Variants in CFAP20DC observed in about 807,000 individuals in gnomAD.
CFAP20DC encodes the protein protein CFAP20DC.
CFAP20DC carries 84 observed loss-of-function variants against 101.7 expected under a neutral mutation model. The observed-to-expected ratio is 0.83, with a 90% confidence interval of 0.69 to 0.99. CFAP20DC has a LOEUF of 0.99. Ranked by LOEUF, CFAP20DC falls within the 50% of genes least tolerant of loss-of-function variation. The pLI, the probability that CFAP20DC is intolerant of heterozygous loss-of-function variation, is 0.00. For missense variants in CFAP20DC, 1,007 were observed against 970.3 expected (o/e 1.04, Z -0.50); for synonymous variants, 359 against 351.2 (o/e 1.02, Z -0.25).
chr3:58,862,992 C>A (rs1484937982), intron 12 of CFAP20DC: 1 of 978,450 alleles, frequency 1.0e-6, no homozygotes, highest in African/African-American at 1.8e-5. Context: ...TATCCATATT[C>A]TAAATAATTG....
chr3:58,913,520 T>C lies in CFAP20DC; in HGVS notation c.550+188A>G. The stretch of plus-strand genomic sequence containing the variant: ...ACAAAAAGAAGATTAATACCTTTTT[T>C]GTGACATTCAGCTATAGTAAAAATA... On this transcript the variant is annotated intron_variant, in intron 6 of 16. Transcript: ENST00000482387. The surrounding 1 kb of genome is among the most constrained non-coding windows in gnomAD (Gnocchi z 4.4). The C allele has an allele frequency of 1.6e-6, 1 of 626,792 alleles. No homozygotes were observed. Among genetic ancestry groups the C allele is most frequent in the Non-Finnish European group, 2.8e-6 (1 of 359,030 alleles). 38.8% of individuals were successfully genotyped at this position (626,792 alleles called of 1,614,324 possible). A position where few individuals can be genotyped will look rare whatever the true frequency, so the allele number is the denominator to read the frequency against.
chr3:58,933,978 C>T (rs1212253266), intron 5 of CFAP20DC, among the ~76,000 whole-genome samples: 1 of 152,006 alleles, frequency 6.6e-6, no homozygotes, highest in Non-Finnish European at 1.5e-5. Context: ...TTAATGAATC[C>T]AGGAGCTGGT....
intron 14 of CFAP20DC, among the ~76,000 whole-genome samples, chr3:58,811,298 C>T (rs560100936): frequency 6.6e-6 from 1 of 152,112 alleles, no homozygotes; most frequent in Non-Finnish European, 1.5e-5. Flanking sequence ...TACCTGACTG[C>T]AAAGTATACT....
chr3:58,812,292 C>T (rs1390130452), intron 14 of CFAP20DC, among the ~76,000 whole-genome samples: 2 of 152,182 alleles, frequency 1.3e-5, no homozygotes, highest in Non-Finnish European at 2.9e-5. Flanking sequence ...ATAGCAAAGA[C>T]TTGGAACCAA....
intron 4 of CFAP20DC, among the ~76,000 whole-genome samples, chr3:58,982,038 G>T (rs1440956746): frequency 1.3e-5 from 2 of 152,148 alleles, no homozygotes; most frequent in African/African-American, 4.8e-5. Context: ...CCATCAAAAA[G>T]TGGGTGAAGG....
chr3:58,812,993 A>G (rs1392057103), intron 14 of CFAP20DC, among the ~76,000 whole-genome samples: 1 of 151,932 alleles, frequency 6.6e-6, no homozygotes, highest in African/African-American at 2.4e-5. Flanking sequence ...ATCATTAATA[A>G]CAGAAACCCA....
At chr3:58,806,569 G>A in intron 14 of CFAP20DC, 113 bp from the exon 15 acceptor site, 2 of 797,318 alleles carry the variant, frequency 2.5e-6, no homozygotes, top group Non-Finnish European at 4.4e-6. Flanking sequence ...CCACAAGAAG[G>A]GTATGGGTGG....
At chr3:58,978,762 A>G (rs1012676278) in intron 4 of CFAP20DC, among the ~76,000 whole-genome samples, 1 of 152,064 alleles carries the variant, frequency 6.6e-6, no homozygotes, top group Non-Finnish European at 1.5e-5. Context: ...AAAACAAAGA[A>G]ATATGAGGGA....
chr3:59,000,657 G>C (rs1437456476), intron 4 of CFAP20DC, among the ~76,000 whole-genome samples: 6 of 152,032 alleles, frequency 3.9e-5, no homozygotes, highest in African/African-American at 1.2e-4. Flanking sequence ...AGATTTGAGA[G>C]GTTGAAAATT....
intron 4 of CFAP20DC, among the ~76,000 whole-genome samples, chr3:58,983,230 G>C (rs1393550536): frequency 6.6e-6 from 1 of 152,132 alleles, no homozygotes; most frequent in Non-Finnish European, 1.5e-5. Context: ...ATGGCAACTG[G>C]GTGGGTTTTA....
In CFAP20DC at chr3:59,015,322, G is replaced by C. The variant is rs549315478; in HGVS notation, c.278+24235C>G. Among the ~76,000 whole-genome samples the C allele has an allele frequency of 6.6e-6, 1 of 152,058 alleles. No homozygotes were observed. Among genetic ancestry groups the C allele is most frequent in the African/African-American group, 2.4e-5 (1 of 41,490 alleles). ...GTGAGAGAAGGAAGAGAAGCAGCTG[G>C]AGAGTGATAAGAAATGAGAAGGAAA... On this transcript the variant is annotated intron_variant, in intron 4 of 16. Coordinates refer to ENST00000482387, the MANE Select transcript of CFAP20DC (RefSeq NM_001394063.1). This position sits in a 1 kb window ranked among gnomAD's most constrained non-coding sequence, Gnocchi z 5.4.
intron 3 of CFAP20DC, among the ~76,000 whole-genome samples, chr3:58,735,655 A>G (rs2067736026): frequency 6.6e-6 from 1 of 152,224 alleles, no homozygotes; most frequent in Non-Finnish European, 1.5e-5. Flanking sequence ...CTCAGGCCAG[A>G]GGAGGTAGGA....
chr3:58,837,608 C>A (rs2076826503), intron 13 of CFAP20DC, among the ~76,000 whole-genome samples: 1 of 152,136 alleles, frequency 6.6e-6, no homozygotes, highest in South Asian at 2.1e-4. Context: ...TGATCAACAA[C>A]AAAGTCTAAG....
Position 58,728,505 on chromosome 3 carries a change from G to T in CFAP20DC, c.198-10877C>A, listed in dbSNP as rs554188961. 4.6e-5 allele frequency among the ~76,000 whole-genome samples: 7 copies of T among 152,192 alleles called. No individual in the cohort carries two copies. The highest frequency in any genetic ancestry group is 9.7e-5 in the African/African-American group (4 of 41,448). On this transcript the variant is annotated intron_variant, in intron 3 of 3. Coordinates refer to the CFAP20DC transcript ENST00000486145. The surrounding 1 kb of genome is among the most constrained non-coding windows in gnomAD (Gnocchi z 4.7). ...AGATATTCTTTCAGATATTATTTGGGTTAATGAGGAAATTGGACATGGCCT... is the reference window on the plus strand; with the variant it reads ...AGATATTCTTTCAGATATTATTTGGTTTAATGAGGAAATTGGACATGGCCT...
At chr3:58,791,360 T>C (rs2072837458) in intron 15 of CFAP20DC, among the ~76,000 whole-genome samples, 1 of 152,132 alleles carries the variant, frequency 6.6e-6, no homozygotes, top group Non-Finnish European at 1.5e-5. Flanking sequence ...GGTAGTAAAA[T>C]ACAATTCCTA....
intron 7 of CFAP20DC, among the ~76,000 whole-genome samples, chr3:58,877,759 T>C (rs1273230542): frequency 2.0e-5 from 3 of 152,232 alleles, no homozygotes; most frequent in Non-Finnish European, 4.4e-5. Flanking sequence ...GCTACTTAAC[T>C]AAAAATTTTT....
intron 6 of CFAP20DC, among the ~76,000 whole-genome samples, chr3:58,909,314 T>C (rs1007130389): frequency 6.6e-6 from 1 of 152,126 alleles, no homozygotes; most frequent in Non-Finnish European, 1.5e-5. Flanking sequence ...CTAAAACTGC[T>C]AAAAAAATAA....
chr3:58,722,448 G>A lies in CFAP20DC; in HGVS notation c.198-4820C>T, dbSNP rs2067486324. Among the ~76,000 whole-genome samples the A allele has an allele frequency of 6.6e-6, 1 of 152,170 alleles. No individual in the cohort carries two copies. Among genetic ancestry groups the A allele is most frequent in the African/African-American group, 2.4e-5 (1 of 41,430 alleles). The stretch of plus-strand genomic sequence containing the variant: ...AGGCAATTTTGCCCAGAGCAGCAGG[G>A]TGGCAACTGAGTCGGTTACAATCAT... On this transcript the variant is annotated intron_variant, in intron 3 of 3. Coordinates refer to the CFAP20DC transcript ENST00000486145. The surrounding 1 kb of genome is among the most constrained non-coding windows in gnomAD (Gnocchi z 4.5).
chr3:58,945,343 G>A (rs1483617856), intron 4 of CFAP20DC, among the ~76,000 whole-genome samples: 1 of 152,026 alleles, frequency 6.6e-6, no homozygotes, highest in Non-Finnish European at 1.5e-5. Context: ...ATATCTAATG[G>A]CTAAGATGCC....
Sources: gnomAD v4.1 joint callset for allele counts (sites outside exome capture counted in the v4.1 genomes callset) on GRCh38, gnomAD v4.1.1 for gene constraint, Gnocchi (gnomAD v3.1) non-coding constraint, MANE v1.5 for transcripts, NCBI Gene and HGNC (gene_info 2026-07-23, HGNC 2026-07-21) for gene names.